COMMD1: variants seen among roughly 807,000 people sequenced by gnomAD.
The protein encoded by COMMD1 is COMM domain-containing protein 1.
COMMD1 carries 10 observed loss-of-function variants against 17.2 expected under a neutral mutation model. The ratio of observed to expected loss-of-function variants is 0.58; its 90% CI spans 0.36 to 0.99. COMMD1 has a LOEUF of 0.99. Among genes scored for constraint, COMMD1 ranks in the 50% least tolerant of loss-of-function variants. COMMD1 has a pLI of 0.01. For synonymous variants in COMMD1, 97 were observed against 91.6 expected (o/e 1.06, Z -0.34); for missense variants, 270 against 231.8 (o/e 1.17, Z -1.07).
intron 2 of COMMD1, among the ~76,000 whole-genome samples, chr2:62,028,204 A>G (rs1669818609): frequency 6.6e-6 from 1 of 152,132 alleles, no homozygotes; most frequent in South Asian, 2.1e-4. Context: ...TGCAGAGGAC[A>G]GGTTGTCAGC....
chr2:62,057,292 T>C (rs1054262082), intron 2 of COMMD1, among the ~76,000 whole-genome samples: 2 of 152,354 alleles, frequency 1.3e-5, no homozygotes, highest in East Asian at 1.9e-4. Flanking sequence ...GGATTATGTA[T>C]ATAATCTCAT....
At chr2:62,020,745 A>G (rs561777760) in intron 2 of COMMD1, among the ~76,000 whole-genome samples, 27 of 152,292 alleles carry the variant, frequency 1.8e-4, no homozygotes, top group Non-Finnish European at 2.5e-4. Context: ...CACGCTTGTA[A>G]TCCCAGCACT....
At chr2:61,933,006 A>G (rs1023761392) in intron 1 of COMMD1, among the ~76,000 whole-genome samples, 1 of 151,948 alleles carries the variant, frequency 6.6e-6, no homozygotes, top group Non-Finnish European at 1.5e-5. Context: ...ACACAAACAG[A>G]TTGAAGGGTA....
At chr2:61,892,141 T>G (rs1228418722) in intron 1 of COMMD1, among the ~76,000 whole-genome samples, 1 of 151,970 alleles carries the variant, frequency 6.6e-6, no homozygotes, top group Non-Finnish European at 1.5e-5. Context: ...AGCTTTCCTA[T>G]ATTTAAAAAA....
chr2:62,065,675 A>C (rs1671018813), intron 2 of COMMD1, among the ~76,000 whole-genome samples: 1 of 152,190 alleles, frequency 6.6e-6, no homozygotes, highest in Non-Finnish European at 1.5e-5. Context: ...TTTCATTTCA[A>C]ATGCTTTACC....
At chr2:61,966,100 A>G (rs1043248824) in intron 1 of COMMD1, among the ~76,000 whole-genome samples, 3 of 152,326 alleles carry the variant, frequency 2.0e-5, no homozygotes, top group Non-Finnish European at 2.9e-5. Flanking sequence ...TTCAGTTGTC[A>G]TAGGTGTTCT....
chr2:62,001,188 C>T, intron 2 of COMMD1: 1 of 572,628 alleles, frequency 1.7e-6, no homozygotes, highest in Non-Finnish European at 3.1e-6. Context: ...GTCCTGGCAG[C>T]TGTCTCAGAA....
chr2:61,913,719 C>T (rs1210392471), intron 1 of COMMD1, among the ~76,000 whole-genome samples: 1 of 145,732 alleles, frequency 6.9e-6, no homozygotes, highest in Non-Finnish European at 1.5e-5. Context: ...TGGCATGAAC[C>T]CGGGAGGCAG....
At chr2:62,034,622 C>T (rs1202634325) in intron 2 of COMMD1, among the ~76,000 whole-genome samples, 3 of 152,172 alleles carry the variant, frequency 2.0e-5, no homozygotes, top group Middle Eastern at 3.2e-3. Flanking sequence ...ATGTTTAAGG[C>T]TCAACTCATC....
intron 2 of COMMD1, among the ~76,000 whole-genome samples, chr2:62,121,719 C>G (rs1424118622): frequency 7.2e-6 from 1 of 138,182 alleles, no homozygotes; most frequent in African/African-American, 2.8e-5. Context: ...GCCTGGGCAA[C>G]AGGAGCGAGA....
At chr2:61,903,677 C>T (rs755713729), upstream of COMMD1, among the ~76,000 whole-genome samples, 5 of 151,748 alleles carry the variant, frequency 3.3e-5, no homozygotes, top group South Asian at 2.1e-4. Flanking sequence ...CTCAGCCTCC[C>T]GAGTAGCTGG....
chr2:61,937,882 C>T (rs192306798), intron 1 of COMMD1, among the ~76,000 whole-genome samples: 1 of 152,278 alleles, frequency 6.6e-6, no homozygotes, highest in East Asian at 1.9e-4. Context: ...GTTGTTCAGG[C>T]ATCTTTGTAC....
At chr2:61,939,698 A>G (rs1269258557) in intron 1 of COMMD1, among the ~76,000 whole-genome samples, 2 of 152,218 alleles carry the variant, frequency 1.3e-5, no homozygotes, top group Non-Finnish European at 2.9e-5. Flanking sequence ...TTTGCTTACA[A>G]AAACATAGTT....
At chr2:62,091,354 A>G (rs891465253) in intron 2 of COMMD1, among the ~76,000 whole-genome samples, 11 of 152,318 alleles carry the variant, frequency 7.2e-5, no homozygotes, top group East Asian at 3.9e-4. Context: ...GCTTGCCCCA[A>G]TATGCCTAAC....
intron 2 of COMMD1, among the ~76,000 whole-genome samples, chr2:62,033,163 G>C (rs1243741466): frequency 6.6e-6 from 1 of 151,956 alleles, no homozygotes; most frequent in East Asian, 1.9e-4. Flanking sequence ...GCTGTATTTG[G>C]TTACTATTTT....
chr2:61,951,439 A>G lies in COMMD1; in HGVS notation c.180+45581A>G, dbSNP rs528720452. Among the ~76,000 whole-genome samples the G allele has an allele frequency of 1.8e-3, 278 of 151,880 alleles. 1 individual carries two copies. Among genetic ancestry groups the G allele is most frequent in the African/African-American group, 6.6e-3 (271 of 41,368 alleles). ...CGTGCCACAGCACTCCAGCCTCGGT[A>G]ACAGAACGAGACTCTGTCTCAAAAA... On this transcript the variant is annotated intron_variant, in intron 1 of 2. Transcript: ENST00000311832.
At chr2:62,119,960 G>T (rs984509825) in intron 2 of COMMD1, among the ~76,000 whole-genome samples, 3 of 152,074 alleles carry the variant, frequency 2.0e-5, no homozygotes, top group Admixed American at 6.6e-5. Flanking sequence ...AACTCTGGAT[G>T]ACTTTGTTTA....
At chr2:61,982,852 A>G (rs1249618528) in intron 1 of COMMD1, among the ~76,000 whole-genome samples, 1 of 152,208 alleles carries the variant, frequency 6.6e-6, no homozygotes, top group Non-Finnish European at 1.5e-5. Flanking sequence ...GAACCATCCT[A>G]GCATTCCTGG....
At chr2:61,904,603 C>A (rs1350407674), upstream of COMMD1, among the ~76,000 whole-genome samples, 1 of 152,162 alleles carries the variant, frequency 6.6e-6, no homozygotes, top group Non-Finnish European at 1.5e-5. Context: ...TTTTAGTCAA[C>A]TAGTATAGGT....
Sources: allele counts gnomAD v4.1 joint callset (sites outside exome capture counted in the v4.1 genomes callset), GRCh38; gene constraint gnomAD v4.1.1; transcripts MANE v1.5; gene names NCBI Gene and HGNC (gene_info 2026-07-23, HGNC 2026-07-21).